The following BIRC6 variants were observed in gnomAD, a reference collection of about 807,000 sequenced individuals.
BIRC6 encodes baculoviral IAP repeat containing 6.
In BIRC6, 98 loss-of-function variants were observed where a neutral mutation model predicts 503.3. The ratio of observed to expected loss-of-function variants is 0.19; its 90% CI spans 0.17 to 0.23. The LOEUF is 0.23. BIRC6 is among the 10% of genes least tolerant of loss of function. The probability of loss-of-function intolerance (pLI) is 1.00; values close to 1 mark genes in which losing one functional copy is unlikely to be tolerated. For missense variants in BIRC6, 5,360 were observed against 5,806.0 expected (o/e 0.92, Z 2.50); for synonymous variants, 2,240 against 2,078.7 (o/e 1.08, Z -2.11).
At chr2:32,410,131 T>C (rs566009414) in intron 9 of BIRC6, among the ~76,000 whole-genome samples, 1 of 152,356 alleles carries the variant, frequency 6.6e-6, no homozygotes, top group South Asian at 2.1e-4. Context: ...AAATTGTTTT[T>C]TCTTGGCAGT....
rs760453490 is a variant in BIRC6, at chr2:32,399,917, A to T, written c.1035-1246A>T. ...ATCTTCCTACCTGAGTCTCCCGAGT[A>T]GCTGGGAATACAGGCACATGCTACC... On this transcript the variant is annotated intron_variant, in intron 6 of 73. Coordinates refer to ENST00000421745, the MANE Select transcript of BIRC6 (RefSeq NM_016252.4). Among the ~76,000 whole-genome samples, 88 of 152,010 alleles carry T rather than the reference A, an allele frequency of 5.8e-4. 1 individual carries two copies. Among genetic ancestry groups the T allele is most frequent in the Non-Finnish European group, 1.0e-3 (71 of 67,990 alleles).
At chr2:32,575,681 C>T (rs1443391380) in intron 66 of BIRC6, among the ~76,000 whole-genome samples, 2 of 151,842 alleles carry the variant, frequency 1.3e-5, no homozygotes, top group East Asian at 1.9e-4. Flanking sequence ...AGGAGAATGG[C>T]GTGAACCCGG....
chr2:32,494,140 T>G (rs569972889), intron 45 of BIRC6, among the ~76,000 whole-genome samples: 1 of 152,210 alleles, frequency 6.6e-6, no homozygotes, highest in Non-Finnish European at 1.5e-5. Context: ...TTGATTATTA[T>G]AATGCATGAA....
At chr2:32,392,609 T>A (rs892670056) in intron 5 of BIRC6, among the ~76,000 whole-genome samples, 5 of 152,168 alleles carry the variant, frequency 3.3e-5, no homozygotes, top group African/African-American at 1.2e-4. Context: ...TACAACTTTT[T>A]TAAAAAACAA....
At chr2:32,418,369 C>A (rs176410) in intron 10 of BIRC6, among the ~76,000 whole-genome samples, 2 of 151,926 alleles carry the variant, frequency 1.3e-5, no homozygotes, top group Non-Finnish European at 2.9e-5. Context: ...CCGTTTTGTA[C>A]ATAATGATAC....
chr2:32,382,801 G>A (rs990332820), intron 3 of BIRC6, among the ~76,000 whole-genome samples: 1 of 152,144 alleles, frequency 6.6e-6, no homozygotes, highest in Non-Finnish European at 1.5e-5. Flanking sequence ...TTGGCTCACT[G>A]CAACGTCCGT....
intron 15 of BIRC6, among the ~76,000 whole-genome samples, chr2:32,438,184 T>C (rs546235772): frequency 6.6e-6 from 1 of 152,348 alleles, no homozygotes; most frequent in African/African-American, 2.4e-5. Context: ...GATATTTTTT[T>C]CCATAAAATT....
chr2:32,507,746 T>G (rs2053957428), intron 50 of BIRC6, among the ~76,000 whole-genome samples: 1 of 152,210 alleles, frequency 6.6e-6, no homozygotes, highest in African/African-American at 2.4e-5. Context: ...TAGGTGAATA[T>G]TAGACTGTTT....
chr2:32,426,825 T>G (rs1228823838), intron 10 of BIRC6, among the ~76,000 whole-genome samples: 1 of 152,228 alleles, frequency 6.6e-6, no homozygotes, highest in Non-Finnish European at 1.5e-5. Context: ...TAAGGCAGGT[T>G]GCTAGCATAA....
chr2:32,588,489 C>T (rs1457815449), intron 66 of BIRC6, among the ~76,000 whole-genome samples: 1 of 152,128 alleles, frequency 6.6e-6, no homozygotes, highest in Non-Finnish European at 1.5e-5. Flanking sequence ...AATGGCATTA[C>T]CAAAAGAAGC....
At position 32,572,732 on chromosome 2, in the gene BIRC6, G is replaced by T. The variant is rs1273586390; in HGVS notation, c.13145-2424G>T. 2.0e-5 allele frequency among the ~76,000 whole-genome samples: 3 copies of T among 152,316 alleles called. No individual in the cohort carries two copies. The East Asian group carries it at 5.8e-4, about 29-fold the overall frequency. On this transcript the variant is annotated intron_variant, in intron 65 of 73. Transcript: ENST00000421745. ...AATGGGCTTTCATACTCAAGTATAT[G>T]TGGAAACAAGGGGAAACAAGGAAAG... is the stretch of plus-strand genomic sequence containing the variant.
At chr2:32,487,502 C>A in intron 40 of BIRC6, 145 bp from the exon 41 acceptor site, 1 of 623,968 alleles carries the variant, frequency 1.6e-6, no homozygotes, top group Non-Finnish European at 2.4e-6. Context: ...ACACGTTTTT[C>A]AAATACTAAA....
In BIRC6 at chr2:32,546,205, C is replaced by G. The variant is rs141331619; in HGVS notation, c.12810+345C>G. 8.5e-3 allele frequency among the ~76,000 whole-genome samples: 1,289 copies of G among 152,062 alleles called. 9 individuals carry two copies. Among genetic ancestry groups the G allele is most frequent in the Middle Eastern group, 0.02 (6 of 294 alleles). On this transcript the variant is annotated intron_variant, in intron 63 of 73. Transcript: ENST00000421745. ...ATGGGGGTTGTGGGTGGGGATCTAG[C>G]CAGTGCAATAAGACAGGAAATTCAA...
intron 19 of BIRC6, 41 bp downstream of exon 19, chr2:32,442,496 AC>A: frequency 6.5e-7 from 1 of 1,536,968 alleles, no homozygotes; most frequent in Non-Finnish European, 8.8e-7. Context: ...TTCTAGGTAC[AC>A]CTGCAATTTA....
chr2:32,608,941 G>A (rs965861546), intron 72 of BIRC6, among the ~76,000 whole-genome samples: 8 of 151,360 alleles, frequency 5.3e-5, no homozygotes, highest in Non-Finnish European at 7.4e-5. Flanking sequence ...ATACAGTGGC[G>A]GAATCTCGGC....
intron 12 of BIRC6, among the ~76,000 whole-genome samples, chr2:32,433,063 T>G (rs1250094271): frequency 6.6e-6 from 1 of 152,048 alleles, no homozygotes; most frequent in East Asian, 1.9e-4. Context: ...GTATTGAACA[T>G]ATTGTGTGAC....
Position 32,568,909 on chromosome 2 carries a change from A to G in BIRC6, c.13145-6247A>G, listed in dbSNP as rs368386029. 1.2e-4 allele frequency among the ~76,000 whole-genome samples: 18 copies of G among 150,166 alleles called. No individual in the cohort carries two copies. In the East Asian group the frequency reaches 3.1e-3, roughly 26 times the overall value. On this transcript the variant is annotated intron_variant, in intron 65 of 73. Coordinates refer to ENST00000421745, the MANE Select transcript of BIRC6 (RefSeq NM_016252.4). ...AGTCTGGGGTTTTAGTGTACCCATC[A>G]CTGGAAGAGTAAACATTGTACCCAG...
rs2042257680 is a variant in BIRC6 at position 32,415,020 on chromosome 2, TCTC to T, written c.1732_1734del (p.Pro578del). ...AGCTGGAGGTTTATTAACATATAAA[TCTC>T]CTGCTACCTCACCCATTAGTAGTAA... On this transcript the variant is annotated inframe_deletion, in exon 10 of 74. Transcript: ENST00000421745. The T allele has an allele frequency of 1.2e-6, 2 of 1,613,850 alleles. No individual in the cohort carries two copies. The highest frequency in any genetic ancestry group is 3.3e-5 in the Admixed American group (2 of 59,996).
chr2:32,492,775 C>T (rs943524621), intron 44 of BIRC6, among the ~76,000 whole-genome samples: 3 of 151,890 alleles, frequency 2.0e-5, no homozygotes, highest in African/African-American at 4.8e-5. Context: ...AGTTCTGATA[C>T]GAAAGCTATA....
Sources: gnomAD v4.1 joint callset for allele counts (sites outside exome capture counted in the v4.1 genomes callset) on GRCh38, gnomAD v4.1.1 for gene constraint, MANE v1.5 for transcripts, NCBI Gene and HGNC (gene_info 2026-07-23, HGNC 2026-07-21) for gene names.